Variants in PTPRD observed in about 807,000 individuals in gnomAD.
PTPRD encodes the protein protein tyrosine phosphatase receptor type D.
Under a neutral mutation model 214.5 loss-of-function variants are expected in PTPRD, and 34 were observed. That is an observed-to-expected ratio of 0.16 (90% CI 0.12 to 0.21). The LOEUF (loss-of-function observed/expected upper bound fraction) is 0.21. PTPRD is among the 10% of genes least tolerant of loss of function. The probability of loss-of-function intolerance (pLI) is 1.00; values close to 1 mark genes in which losing one functional copy is unlikely to be tolerated. For missense variants in PTPRD, 2,545 were observed against 2,398.7 expected, an observed-to-expected ratio of 1.06 and a Z score of -1.27; for synonymous variants, 1,128 against 845.7, an observed-to-expected ratio of 1.33 and a Z score of -5.79.
At chr9:9,953,842 G>A (rs1274311598) in intron 4 of PTPRD, among the ~76,000 whole-genome samples, 4 of 152,162 alleles carry the variant, frequency 2.6e-5, no homozygotes, top group Non-Finnish European at 5.9e-5. Flanking sequence ...TATGCTACAT[G>A]ATGCCCAGAA....
At chr9:9,837,157 G>C (rs2153622980) in intron 5 of PTPRD, among the ~76,000 whole-genome samples, 1 of 152,214 alleles carries the variant, frequency 6.6e-6, no homozygotes, top group East Asian at 1.9e-4. Flanking sequence ...TTAAGTATGT[G>C]TGTGGTGGTA....
At chr9:10,313,709 G>A (rs1017542739) in intron 3 of PTPRD, among the ~76,000 whole-genome samples, 8 of 151,902 alleles carry the variant, frequency 5.3e-5, no homozygotes, top group African/African-American at 1.9e-4. Context: ...GGATGCATTT[G>A]CATCTGCTTC....
intron 9 of PTPRD, among the ~76,000 whole-genome samples, chr9:9,255,157 T>C (rs528412571): frequency 6.6e-6 from 1 of 152,178 alleles, no homozygotes; most frequent in African/African-American, 2.4e-5. Flanking sequence ...ACAATGAACA[T>C]CTGTAGTTCA....
chr9:8,521,157 C>G, intron 20 of PTPRD, 120 bp downstream of exon 20: 1 of 1,196,520 alleles, frequency 8.4e-7, no homozygotes, highest in Non-Finnish European at 1.2e-6. Flanking sequence ...TTAGGTTATA[C>G]ACACATTTAA....
At chr9:8,322,106 ATG>A (rs1366155134) in intron 44 of PTPRD, among the ~76,000 whole-genome samples, 1 of 152,086 alleles carries the variant, frequency 6.6e-6, no homozygotes, top group African/African-American at 2.4e-5. Context: ...TAATTGACAA[ATG>A]TGTGTGTTAT....
At chr9:8,714,968 T>C (rs2098415646) in intron 12 of PTPRD, among the ~76,000 whole-genome samples, 1 of 151,956 alleles carries the variant, frequency 6.6e-6, no homozygotes, top group African/African-American at 2.4e-5. Context: ...TCTGTCTTGG[T>C]CACTGTTGTA....
chr9:8,683,336 A>T (rs1180462487), intron 12 of PTPRD, among the ~76,000 whole-genome samples: 1 of 151,882 alleles, frequency 6.6e-6, no homozygotes, highest in African/African-American at 2.4e-5. Context: ...GAAAAATGTT[A>T]ATTCATAACT....
intron 5 of PTPRD, among the ~76,000 whole-genome samples, chr9:9,848,769 A>G (rs1420157652): frequency 6.6e-6 from 1 of 152,152 alleles, no homozygotes; most frequent in Non-Finnish European, 1.5e-5. Context: ...GCTCATGTAG[A>G]CAGAACCCAT....
chr9:10,396,352 G>C (rs564794604), intron 2 of PTPRD, among the ~76,000 whole-genome samples: 1 of 152,056 alleles, frequency 6.6e-6, no homozygotes, highest in East Asian at 2.0e-4. Flanking sequence ...GGTAGCCTGC[G>C]GGAGCTGGCT....
At chr9:10,571,033 C>T (rs2067268285) in intron 2 of PTPRD, among the ~76,000 whole-genome samples, 1 of 152,008 alleles carries the variant, frequency 6.6e-6, no homozygotes, top group Non-Finnish European at 1.5e-5. Context: ...GTGGCATTTC[C>T]ATTAATCTTC....
chr9:8,489,860 A>G (rs780610233), intron 27 of PTPRD, among the ~76,000 whole-genome samples: 2 of 152,250 alleles, frequency 1.3e-5, no homozygotes, highest in Non-Finnish European at 2.9e-5. Flanking sequence ...ACATTTACCA[A>G]CAATTCACTT....
At chr9:8,728,573 A>G (rs1237967021) in intron 12 of PTPRD, among the ~76,000 whole-genome samples, 2 of 152,254 alleles carry the variant, frequency 1.3e-5, no homozygotes, top group Non-Finnish European at 2.9e-5. Flanking sequence ...GCATTTTAAT[A>G]ATATAAGAAA....
At chr9:10,410,253 GTA>G (rs34284610) in intron 2 of PTPRD, among the ~76,000 whole-genome samples, 17 of 127,124 alleles carry the variant, frequency 1.3e-4, no homozygotes, top group East Asian at 3.8e-4. Flanking sequence ...CATATTTTGT[GTA>G]TATATATATA....
intron 11 of PTPRD, among the ~76,000 whole-genome samples, chr9:8,738,386 T>TTGA (rs112452316): frequency 0.07 from 10,650 of 152,154 alleles, 1,038 homozygotes; most frequent in African/African-American, 0.22. Flanking sequence ...TTCTATACTG[T>TTGA]TATTTGTGTC....
intron 2 of PTPRD, among the ~76,000 whole-genome samples, chr9:10,424,069 T>C (rs1165188257): frequency 6.6e-6 from 1 of 152,008 alleles, no homozygotes; most frequent in Non-Finnish European, 1.5e-5. Flanking sequence ...GAAAATAGAT[T>C]ACATTAAAAC....
At chr9:8,355,216 G>A (rs1259575787) in intron 39 of PTPRD, among the ~76,000 whole-genome samples, 2 of 152,018 alleles carry the variant, frequency 1.3e-5, no homozygotes, top group African/African-American at 2.4e-5. Context: ...GCTCCCTTTT[G>A]CCATCTGATA....
At chr9:9,116,287 A>T (rs1389352128) in intron 10 of PTPRD, among the ~76,000 whole-genome samples, 1 of 152,162 alleles carries the variant, frequency 6.6e-6, no homozygotes, top group East Asian at 1.9e-4. Flanking sequence ...CTATTCAGCC[A>T]TAAATACAGA....
chr9:9,685,139 G>C (rs1191438321), intron 7 of PTPRD, among the ~76,000 whole-genome samples: 1 of 151,224 alleles, frequency 6.6e-6, no homozygotes, highest in African/African-American at 2.4e-5. Flanking sequence ...TTATTTTTAA[G>C]AAAGTTGATT....
At chr9:9,584,543 G>C (rs1402179410) in intron 7 of PTPRD, among the ~76,000 whole-genome samples, 1 of 151,708 alleles carries the variant, frequency 6.6e-6, no homozygotes, top group East Asian at 1.9e-4. Context: ...GCTATGACAT[G>C]ACTTGTTCAC....
Sources: gnomAD v4.1 joint callset for allele counts (sites outside exome capture counted in the v4.1 genomes callset) on GRCh38, gnomAD v4.1.1 for gene constraint, MANE v1.5 for transcripts, NCBI Gene and HGNC (gene_info 2026-07-23, HGNC 2026-07-21) for gene names.